MCHR2: variants seen among roughly 807,000 people sequenced by gnomAD.
MCHR2 encodes melanin concentrating hormone receptor 2.
MCHR2 carries 15 observed loss-of-function variants against 24.8 expected under a neutral mutation model. That is an observed-to-expected ratio of 0.60 (90% CI 0.40 to 0.93). The LOEUF is 0.93. Among genes scored for constraint, MCHR2 ranks in the 40% least tolerant of loss-of-function variants. MCHR2 has a pLI of 0.00. For missense variants in MCHR2, 386 were observed against 408.7 expected (o/e 0.94, Z 0.48); for synonymous variants, 151 against 147.6 (o/e 1.02, Z -0.17).
intron 1 of MCHR2, among the ~76,000 whole-genome samples, chr6:99,965,778 A>C (rs532903623): frequency 6.6e-6 from 1 of 152,296 alleles, no homozygotes; most frequent in South Asian, 2.1e-4. Context: ...ATTTCAGTTT[A>C]AGCCATAAGC....
intron 4 of MCHR2, among the ~76,000 whole-genome samples, chr6:99,937,825 A>T (rs1251997375): frequency 1.3e-5 from 2 of 151,552 alleles, no homozygotes; most frequent in Non-Finnish European, 2.9e-5. Flanking sequence ...CAATGAAGTC[A>T]TCAGGTCCTG....
intron 1 of MCHR2, among the ~76,000 whole-genome samples, chr6:99,981,366 A>G (rs899686045): frequency 7.2e-5 from 11 of 152,214 alleles, no homozygotes; most frequent in Non-Finnish European, 1.6e-4. Context: ...GAGGGTGGCC[A>G]TAAGAAAAAA....
intron 5 of MCHR2, among the ~76,000 whole-genome samples, chr6:99,925,089 G>T (rs12212220): frequency 1.3e-5 from 2 of 151,974 alleles, no homozygotes; most frequent in East Asian, 3.9e-4. Context: ...TCCAGTGTTG[G>T]GTGAATATAT....
intron 5 of MCHR2, among the ~76,000 whole-genome samples, chr6:99,925,631 T>G (rs1774336518): frequency 6.6e-6 from 1 of 151,928 alleles, no homozygotes. Flanking sequence ...TATTTTAACC[T>G]GATAACAACT....
At chr6:99,945,552 C>T (rs1774858866) in intron 3 of MCHR2, among the ~76,000 whole-genome samples, 1 of 152,110 alleles carries the variant, frequency 6.6e-6, no homozygotes, top group African/African-American at 2.4e-5. Flanking sequence ...ATCTATTAAA[C>T]TGGCAATTAA....
chr6:99,974,107 G>C (rs548353807), intron 1 of MCHR2, among the ~76,000 whole-genome samples: 39 of 152,284 alleles, frequency 2.6e-4, no homozygotes, highest in African/African-American at 8.9e-4. Context: ...ATGTTGGCCT[G>C]CCTTGCTAGA....
intron 1 of MCHR2, among the ~76,000 whole-genome samples, chr6:99,986,351 CA>C (rs1474882949): frequency 6.6e-6 from 1 of 152,028 alleles, no homozygotes; most frequent in Non-Finnish European, 1.5e-5. Flanking sequence ...AATCATGTAT[CA>C]AAAAGACTCC....
chr6:99,971,391 G>A (rs1275487024), intron 1 of MCHR2, among the ~76,000 whole-genome samples: 2 of 151,900 alleles, frequency 1.3e-5, no homozygotes, highest in South Asian at 2.1e-4. Flanking sequence ...GAATGCTTGT[G>A]ATTTTTGTAC....
chr6:99,979,224 T>C (rs1242673889), intron 1 of MCHR2, among the ~76,000 whole-genome samples: 4 of 152,212 alleles, frequency 2.6e-5, no homozygotes, highest in Admixed American at 6.5e-5. Flanking sequence ...GGGTCTCTAA[T>C]TGGCAGAAAG....
At chr6:99,973,628 A>G (rs372414751) in intron 1 of MCHR2, among the ~76,000 whole-genome samples, 9 of 152,256 alleles carry the variant, frequency 5.9e-5, no homozygotes, top group East Asian at 1.9e-4. Flanking sequence ...TATTTTGCTC[A>G]TTAGTTGATG....
At chr6:99,929,378 A>G (rs1774449647) in intron 5 of MCHR2, among the ~76,000 whole-genome samples, 3 of 152,060 alleles carry the variant, frequency 2.0e-5, no homozygotes, top group Admixed American at 1.3e-4. Flanking sequence ...GCTGAGTTCA[A>G]TTCCTGGGTA....
chr6:99,989,679 C>T (rs1775832006), intron 1 of MCHR2, among the ~76,000 whole-genome samples: 1 of 152,018 alleles, frequency 6.6e-6, no homozygotes, highest in Non-Finnish European at 1.5e-5. Flanking sequence ...CTTAATAAGC[C>T]ATCACTGCTG....
At chr6:99,964,136 T>C (rs767124157) in intron 1 of MCHR2, among the ~76,000 whole-genome samples, 2 of 152,110 alleles carry the variant, frequency 1.3e-5, no homozygotes, top group Non-Finnish European at 2.9e-5. Context: ...GTTCTAAGTG[T>C]TGGAGCCACA....
intron 1 of MCHR2, among the ~76,000 whole-genome samples, chr6:99,985,482 C>G (rs28868303): frequency 0.22 from 33,004 of 152,022 alleles, 3,863 homozygotes; most frequent in South Asian, 0.42. Context: ...AACAGACACA[C>G]AGATCAATGG....
intron 1 of MCHR2, among the ~76,000 whole-genome samples, chr6:99,970,654 G>T (rs1346652135): frequency 1.3e-5 from 2 of 152,078 alleles, no homozygotes; most frequent in Non-Finnish European, 2.9e-5. Context: ...TGTCCTGAAT[G>T]GTATTGCCTA....
At chr6:99,971,820 A>G (rs1029980630) in intron 1 of MCHR2, among the ~76,000 whole-genome samples, 81 of 152,118 alleles carry the variant, frequency 5.3e-4, no homozygotes, top group Admixed American at 2.6e-4. Flanking sequence ...TGAGATAATC[A>G]TGTGGTTTTT....
Position 99,921,041 on chromosome 6 carries a change from G to T in MCHR2, c.922C>A (p.Leu308Met). ...SSSINPFLYI[L>M]LSGNFQKRLP... ...CGTTTCTGGAAATTTCCACTCAGCA[G>T]GATGTAGAGAAAAGGGTTAATGCTG... is the stretch of plus-strand genomic sequence containing the variant. The change falls in exon 6 of 6, where the codon CTG becomes ATG. Residue 308 changes from leucine to methionine, a missense_variant. Physicochemically the swap from Leu to Met is conservative, Grantham distance 15 (BLOSUM62 2). Transcript: ENST00000281806. The T allele has an allele frequency of 6.2e-7, 1 of 1,614,206 alleles. No homozygotes were observed. Among genetic ancestry groups the T allele is most frequent in the Non-Finnish European group, 8.5e-7 (1 of 1,180,030 alleles).
intron 1 of MCHR2, among the ~76,000 whole-genome samples, chr6:99,987,612 A>T (rs1775793219): frequency 1.3e-5 from 2 of 152,216 alleles, no homozygotes; most frequent in African/African-American, 4.8e-5. Context: ...TTTCCACTAC[A>T]TTATGCTTCT....
intron 1 of MCHR2, among the ~76,000 whole-genome samples, chr6:99,971,345 G>T (rs1386145591): frequency 4.6e-5 from 7 of 151,278 alleles, no homozygotes; most frequent in Non-Finnish European, 1.0e-4. Context: ...GTTCACTCAT[G>T]ATTTGGCTCT....
Sources: gnomAD v4.1 joint callset for allele counts (sites outside exome capture counted in the v4.1 genomes callset) on GRCh38, gnomAD v4.1.1 for gene constraint, MANE v1.5 for transcripts, NCBI Gene and HGNC (gene_info 2026-07-23, HGNC 2026-07-21) for gene names.